The following WDR44 variants were observed in gnomAD, a reference collection of about 807,000 sequenced individuals.
The protein encoded by WDR44 is WD repeat-containing protein 44.
Under a neutral mutation model 65.7 loss-of-function variants are expected in WDR44, and 9 were observed. That is an observed-to-expected ratio of 0.14 (90% CI 0.08 to 0.24). The LOEUF (loss-of-function observed/expected upper bound fraction) is 0.24. Ranked by LOEUF, WDR44 falls within the 10% of genes least tolerant of loss-of-function variation. The probability of loss-of-function intolerance (pLI) is 1.00; values close to 1 mark genes in which losing one functional copy is unlikely to be tolerated. For missense variants in WDR44, 425 were observed against 670.9 expected (o/e 0.63, Z 4.05); for synonymous variants, 220 against 235.2 (o/e 0.94, Z 0.59).
rs767603304 is a variant in WDR44, at chrX:118,441,170, G to C, written c.1975-198G>C. ...AGACGAGGTTTCACCATATTGGCCA[G>C]GATAGTGTCGATCTCTTGACCTTGT... On this transcript the variant is annotated intron_variant, in intron 14 of 19. Transcript: ENST00000254029. Among the ~76,000 whole-genome samples, 6 of 110,104 alleles carry C rather than the reference G, an allele frequency of 5.4e-5. No homozygotes were observed. The South Asian group carries it at 2.3e-3, about 42-fold the overall frequency.
chrX:118,440,168 A>G (rs2057292948), intron 14 of WDR44, among the ~76,000 whole-genome samples: 1 of 110,036 alleles, frequency 9.1e-6, no homozygotes, highest in Non-Finnish European at 1.9e-5. Context: ...TATGTTGCCA[A>G]AAACAAAACA....
chrX:118,426,804 AC>A (rs2057161170), intron 12 of WDR44, among the ~76,000 whole-genome samples: 1 of 111,939 alleles, frequency 8.9e-6, no homozygotes, highest in Admixed American at 9.5e-5. Context: ...AAAAATAAAT[AC>A]CAAAAAATAG....
intron 13 of WDR44, among the ~76,000 whole-genome samples, chrX:118,435,891 A>G (rs1225020370): frequency 8.9e-6 from 1 of 112,434 alleles, no homozygotes; most frequent in African/African-American, 3.2e-5. Context: ...TGCTTAACAC[A>G]TCGTAAGTAT....
At chrX:118,352,352 ATTTTTTTTT>A (rs556374639) in intron 1 of WDR44, among the ~76,000 whole-genome samples, 1 of 14,224 alleles carries the variant, frequency 7.0e-5, no homozygotes, top group African/African-American at 3.7e-4. Context: ...ATATATATAT[ATTTTTTTTT>A]TTTTTTTTTT....
chrX:118,378,285 C>T lies in WDR44; in HGVS notation c.78-134C>T, dbSNP rs190960946. The T allele has an allele frequency of 9.1e-4, 464 of 509,131 alleles. 3 individuals carry two copies. The African/African-American group carries it at 9.9e-3, about 11-fold the overall frequency. The allele number at this position is 509,131 out of a possible 1,213,427, so 42.0% of individuals were successfully genotyped here. On this transcript the variant is annotated intron_variant, in intron 1 of 19. Transcript: ENST00000254029. ...CACTTTTTGTTTTCCACATTTTCTACGTGCACACAAGACTTTTCAGTCACA... is the reference window on the plus strand; with the variant it reads ...CACTTTTTGTTTTCCACATTTTCTATGTGCACACAAGACTTTTCAGTCACA...
chrX:118,414,257 CTTTTTTT>C (rs565805780), intron 12 of WDR44, among the ~76,000 whole-genome samples: 1 of 46,704 alleles, frequency 2.1e-5, no homozygotes. Flanking sequence ...CTTGCGATTG[CTTTTTTT>C]TTTTTTTTTT....
chrX:118,440,949 C>CTTT (rs1214126337), intron 14 of WDR44, among the ~76,000 whole-genome samples: 607 of 50,354 alleles, frequency 0.012, 141 homozygotes, highest in East Asian at 0.056. Context: ...TAAATGAAAT[C>CTTT]TTTTTTTTTT....
At position 118,402,458 on chromosome X, in the gene WDR44, A is replaced by AAAAAAAAAG. The variant is rs547508565; in HGVS notation, c.1275-1879_1275-1878insAAAAAAAGA. Among the ~76,000 whole-genome samples, 2 of 85,369 alleles carry AAAAAAAAAG rather than the reference A, an allele frequency of 2.3e-5. 1 individual carries two copies. Among genetic ancestry groups the AAAAAAAAAG allele is most frequent in the Non-Finnish European group, 4.1e-5 (2 of 48,413 alleles). The allele number at this position is 85,369 out of a possible 115,157, so 74.1% of individuals were successfully genotyped here. A position where few individuals can be genotyped will look rare whatever the true frequency, so the allele number is the denominator to read the frequency against. ...CTCAAAAAAAAAAAAAAAAAAAAAA[A>AAAAAAAAAG]ACATTCAGGATGGGTGCAATGGCTC... On this transcript the variant is annotated intron_variant, in intron 8 of 19. Coordinates refer to ENST00000254029, the MANE Select transcript of WDR44 (RefSeq NM_019045.5).
intron 1 of WDR44, among the ~76,000 whole-genome samples, chrX:118,349,026 T>G (rs1602843839): frequency 8.9e-6 from 1 of 111,820 alleles, no homozygotes; most frequent in South Asian, 3.7e-4. Flanking sequence ...TTTCTTGCAT[T>G]TTCCTTCCAA....
chrX:118,433,811 A>G (rs2057230854), intron 13 of WDR44, among the ~76,000 whole-genome samples: 1 of 112,027 alleles, frequency 8.9e-6, no homozygotes, highest in South Asian at 3.7e-4. Flanking sequence ...CGTCATCATC[A>G]TCATCATCAC....
At chrX:118,377,670 CAG>C (rs1431102163) in intron 1 of WDR44, among the ~76,000 whole-genome samples, 1 of 108,117 alleles carries the variant, frequency 9.2e-6, no homozygotes, top group Non-Finnish European at 1.9e-5. Context: ...AAAAGATACT[CAG>C]ATCTCTAGGT....
chrX:118,363,127 G>A (rs1006699098), intron 1 of WDR44, among the ~76,000 whole-genome samples: 1 of 108,653 alleles, frequency 9.2e-6, no homozygotes, highest in Non-Finnish European at 1.9e-5. Flanking sequence ...AGTAAAACGT[G>A]GCTCACACTT....
At chrX:118,346,654 C>A in intron 1 of WDR44, 74 bp downstream of exon 1, 2 of 830,582 alleles carry the variant, frequency 2.4e-6, no homozygotes, top group South Asian at 5.6e-5. Context: ...CCCCCTACAC[C>A]CCTCCCAGGT....
Position 118,441,357 on chromosome X carries a change from C to T in WDR44, c.1975-11C>T. ...GTAAAATGAAAACTTTCTCTGTTGC[C>T]ACCTCTTTAGGATGACAGGTATTTT... On this transcript the variant is annotated splice_polypyrimidine_tract_variant and intron_variant, in intron 14 of 19. Transcript: ENST00000254029. The T allele has an allele frequency of 8.5e-7, 1 of 1,179,358 alleles. No homozygotes were observed. The highest frequency in any genetic ancestry group is 1.1e-6 in the Non-Finnish European group (1 of 877,570).
intron 1 of WDR44, 111 bp from the exon 2 acceptor site, chrX:118,378,308 A>C: frequency 1.5e-6 from 1 of 653,490 alleles, no homozygotes; most frequent in Non-Finnish European, 2.3e-6. Context: ...CTTTTCAGTC[A>C]CAAAATATAT....
At position 118,397,045 on chromosome X, in the gene WDR44, C is replaced by T; in HGVS notation, c.1129C>T (p.Leu377=). ...EIPLSLAEEK[L]PTGINPLTLH... ...ACCTTTGAGTCTTGCAGAAGAGAAA[C>T]TACCAACAGGCATTAATCCTCTCAC... Residue 377 remains leucine, a synonymous_variant, in exon 7 of 20, where the codon CTA becomes TTA. Coordinates refer to ENST00000254029, the MANE Select transcript of WDR44 (RefSeq NM_019045.5). 8.3e-7 allele frequency: 1 copy of T among 1,198,441 alleles called. No individual in the cohort carries two copies. The highest frequency in any genetic ancestry group is 1.1e-6 in the Non-Finnish European group (1 of 889,375).
intron 12 of WDR44, among the ~76,000 whole-genome samples, chrX:118,424,136 A>T (rs1383430079): frequency 2.8e-5 from 3 of 107,882 alleles, no homozygotes; most frequent in African/African-American, 1.0e-4. Flanking sequence ...TTGCAGGATC[A>T]TATGGTAGTT....
intron 12 of WDR44, among the ~76,000 whole-genome samples, chrX:118,422,467 G>A (rs1242434568): frequency 1.8e-5 from 2 of 110,401 alleles, no homozygotes; most frequent in African/African-American, 3.3e-5. Flanking sequence ...CGAGGCAGGC[G>A]GATCACCTGA....
chrX:118,411,050 C>A, intron 12 of WDR44, 91 bp downstream of exon 12: 1 of 689,110 alleles, frequency 1.5e-6, no homozygotes, highest in Non-Finnish European at 2.1e-6. Context: ...ATTACAGTTG[C>A]ATGAAGACAC....
Sources: gnomAD v4.1 joint callset for allele counts (sites outside exome capture counted in the v4.1 genomes callset) on GRCh38, gnomAD v4.1.1 for gene constraint, MANE v1.5 for transcripts, NCBI Gene and HGNC (gene_info 2026-07-23, HGNC 2026-07-21) for gene names.